The following UBE2E2 variants were observed in gnomAD, a reference collection of about 807,000 sequenced individuals.
The protein encoded by UBE2E2 is ubiquitin conjugating enzyme E2 E2, also known as ubiquitin-conjugating enzyme E2 E2.
A neutral mutation model predicts 24.7 loss-of-function variants in UBE2E2; 6 were observed. The observed-to-expected ratio is 0.24, with a 90% CI of 0.13 to 0.48. The LOEUF (loss-of-function observed/expected upper bound fraction) is 0.48. UBE2E2 is among the 20% of genes least tolerant of loss of function. The pLI is 0.99. For synonymous variants in UBE2E2, 104 were observed against 83.6 expected, an observed-to-expected ratio of 1.24 and a Z score of -1.33; for missense variants, 169 against 245.0, an observed-to-expected ratio of 0.69 and a Z score of 2.07.
chr3:23,312,669 G>A (rs1006988962), intron 3 of UBE2E2, among the ~76,000 whole-genome samples: 3 of 151,854 alleles, frequency 2.0e-5, no homozygotes, highest in Non-Finnish European at 4.4e-5. Flanking sequence ...CTAAATTTGG[G>A]TTTGGTTTGC....
intron 3 of UBE2E2, among the ~76,000 whole-genome samples, chr3:23,289,400 GGTTT>G (rs1357073838): frequency 6.6e-6 from 1 of 152,160 alleles, no homozygotes; most frequent in Non-Finnish European, 1.5e-5. Context: ...ACACAGTGAA[GGTTT>G]GTTACTTTAG....
chr3:23,217,389 G>A, intron 3 of UBE2E2, 77 bp downstream of exon 3: 6 of 1,284,362 alleles, frequency 4.7e-6, no homozygotes, highest in Non-Finnish European at 6.8e-6. Flanking sequence ...ATATGCAGCT[G>A]TTGTTGTAGT....
At chr3:23,271,275 A>G (rs928997424) in intron 3 of UBE2E2, 16 of 307,900 alleles carry the variant, frequency 5.2e-5, no homozygotes, top group African/African-American at 3.3e-4. Flanking sequence ...GTTCCTTCAG[A>G]TGTTCAGATG....
intron 3 of UBE2E2, among the ~76,000 whole-genome samples, chr3:23,469,333 A>G (rs528860010): frequency 6.6e-6 from 1 of 152,348 alleles, no homozygotes; most frequent in Admixed American, 6.5e-5. Context: ...AGAGAAGATA[A>G]TAGATAAAGA....
chr3:23,507,070 C>A (rs1694476186), intron 4 of UBE2E2, among the ~76,000 whole-genome samples: 1 of 152,188 alleles, frequency 6.6e-6, no homozygotes, highest in Non-Finnish European at 1.5e-5. Context: ...AAGTGCCAGC[C>A]ATCATTTTTT....
chr3:23,234,470 G>A (rs372092636), intron 3 of UBE2E2, among the ~76,000 whole-genome samples: 8 of 152,168 alleles, frequency 5.3e-5, no homozygotes, highest in South Asian at 2.1e-4. Context: ...CCCATCAGCT[G>A]GGAATCCAGC....
intron 5 of UBE2E2, among the ~76,000 whole-genome samples, chr3:23,568,640 T>C (rs1696140931): frequency 6.8e-6 from 1 of 147,830 alleles, no homozygotes; most frequent in Admixed American, 6.8e-5. Flanking sequence ...TGTATACATA[T>C]ATACGCACAT....
At chr3:23,455,264 C>G (rs569791354) in intron 3 of UBE2E2, among the ~76,000 whole-genome samples, 2 of 152,314 alleles carry the variant, frequency 1.3e-5, no homozygotes, top group South Asian at 4.1e-4. Context: ...GCAGGTTCGG[C>G]TCGAGACCAC....
At chr3:23,248,852 A>G (rs1241841757) in intron 3 of UBE2E2, among the ~76,000 whole-genome samples, 1 of 152,230 alleles carries the variant, frequency 6.6e-6, no homozygotes, top group Non-Finnish European at 1.5e-5. Flanking sequence ...ACAGTGAGTG[A>G]TCTGTTGCAG....
chr3:23,219,233 G>A (rs1013330945), intron 3 of UBE2E2, among the ~76,000 whole-genome samples: 4 of 152,116 alleles, frequency 2.6e-5, no homozygotes, highest in Non-Finnish European at 5.9e-5. Flanking sequence ...ATTTACCTTC[G>A]TATGGCACTC....
At chr3:23,455,521 C>T (rs1266772835) in intron 3 of UBE2E2, among the ~76,000 whole-genome samples, 1 of 151,962 alleles carries the variant, frequency 6.6e-6, no homozygotes, top group African/African-American at 2.4e-5. Flanking sequence ...AGTTCAAGAC[C>T]AGCCTGGTCA....
intron 3 of UBE2E2, among the ~76,000 whole-genome samples, chr3:23,325,557 C>T (rs1238542574): frequency 6.6e-6 from 1 of 152,126 alleles, no homozygotes; most frequent in Admixed American, 6.5e-5. Flanking sequence ...TCATTCTTTT[C>T]TTGAGTTTTA....
chr3:23,445,724 C>T (rs1168690378), intron 3 of UBE2E2, among the ~76,000 whole-genome samples: 1 of 152,166 alleles, frequency 6.6e-6, no homozygotes, highest in African/African-American at 2.4e-5. Context: ...TGTGCCTAAT[C>T]CCAAATATAC....
chr3:23,584,554 A>G (rs935647778), intron 5 of UBE2E2, among the ~76,000 whole-genome samples: 10 of 134,786 alleles, frequency 7.4e-5, no homozygotes, highest in Non-Finnish European at 1.4e-4. Context: ...CAATATGACA[A>G]TCTTTTTTTT....
chr3:23,282,233 G>A (rs1376574277), intron 3 of UBE2E2, among the ~76,000 whole-genome samples: 1 of 152,134 alleles, frequency 6.6e-6, no homozygotes, highest in Non-Finnish European at 1.5e-5. Context: ...ATTTTGTTTT[G>A]CTACATTGCA....
At chr3:23,491,586 A>T (rs928523053) in intron 3 of UBE2E2, among the ~76,000 whole-genome samples, 6 of 152,198 alleles carry the variant, frequency 3.9e-5, no homozygotes, top group Admixed American at 2.0e-4. Flanking sequence ...CTCTGCAAGT[A>T]ATTCCAGTAT....
At chr3:23,324,342 A>T (rs1199620536) in intron 3 of UBE2E2, among the ~76,000 whole-genome samples, 2 of 152,140 alleles carry the variant, frequency 1.3e-5, no homozygotes, top group African/African-American at 2.4e-5. Flanking sequence ...TAAAAATCCT[A>T]GCTAAACTCT....
intron 3 of UBE2E2, among the ~76,000 whole-genome samples, chr3:23,384,601 G>T (rs1269541417): frequency 6.6e-6 from 1 of 152,116 alleles, no homozygotes; most frequent in African/African-American, 2.4e-5. Context: ...GGAGTGCAGT[G>T]GTGCGATCTT....
chr3:23,327,596 T>C (rs898250062), intron 3 of UBE2E2, among the ~76,000 whole-genome samples: 1 of 152,238 alleles, frequency 6.6e-6, no homozygotes, highest in African/African-American at 2.4e-5. Context: ...GGCAGGTTTG[T>C]TTGTGGCTGC....
Sources: gnomAD v4.1 joint callset for allele counts (sites outside exome capture counted in the v4.1 genomes callset) on GRCh38, gnomAD v4.1.1 for gene constraint, MANE v1.5 for transcripts, NCBI Gene and HGNC (gene_info 2026-07-23, HGNC 2026-07-21) for gene names.